LTBP1: variants seen among roughly 807,000 people sequenced by gnomAD.
The protein encoded by LTBP1 is latent-transforming growth factor beta-binding protein 1.
In LTBP1, 129 loss-of-function variants were observed where a neutral mutation model predicts 207.6. The observed-to-expected ratio is 0.62, with a 90% confidence interval of 0.54 to 0.72. The LOEUF is 0.72. Among genes scored for constraint, LTBP1 ranks in the 30% least tolerant of loss-of-function variants. The pLI is 0.00. For missense variants in LTBP1, 2,281 were observed against 2,217.2 expected, an observed-to-expected ratio of 1.03 and a Z score of -0.58; for synonymous variants, 963 against 833.7, an observed-to-expected ratio of 1.16 and a Z score of -2.67.
chr2:33,254,852 G>GTTTTTTTGTT (rs2092795026), intron 11 of LTBP1, among the ~76,000 whole-genome samples: 1 of 10,366 alleles, frequency 9.6e-5, no homozygotes, highest in Non-Finnish European at 1.5e-4. Flanking sequence ...GCGGTGTTTG[G>GTTTTTTTGTT]TTTTTTTTTT....
chr2:33,291,916 T>C (rs914493385), intron 19 of LTBP1: 6 of 152,248 alleles, frequency 3.9e-5, no homozygotes, highest in Admixed American at 6.5e-5. Flanking sequence ...GTAGTGAGCA[T>C]TGAAAAGTGA....
chr2:33,198,788 T>C (rs1409505224), intron 7 of LTBP1, among the ~76,000 whole-genome samples: 1 of 152,184 alleles, frequency 6.6e-6, no homozygotes, highest in East Asian at 1.9e-4. Context: ...TTCTCCTCTC[T>C]TTTCTTCTTT....
intron 2 of LTBP1, among the ~76,000 whole-genome samples, chr2:32,959,822 C>G (rs1678805518): frequency 6.6e-6 from 1 of 150,964 alleles, no homozygotes; most frequent in Non-Finnish European, 1.5e-5. Flanking sequence ...GGTTTCACCA[C>G]TTTGGCCAGG....
Position 33,110,625 on chromosome 2 carries a change from C to T in LTBP1, c.907C>T (p.Gln303Ter). ...SSQSVVIHHG[Q>*]TQEYVLKPKY... ...CCAGAGTGTGGTGATTCACCATGGC[C>T]AGACCCAGGAATACGTGCTCAAGCC... Residue 303 changes from glutamine (Q) to a stop codon, truncating the protein, a stop_gained, in exon 4 of 34, where the codon CAG becomes TAG. Transcript: ENST00000404816. LOFTEE classifies it high-confidence loss of function. The T allele has an allele frequency of 6.2e-7, 1 of 1,614,166 alleles. No homozygotes were observed. Among genetic ancestry groups the T allele is most frequent in the Non-Finnish European group, 8.5e-7 (1 of 1,180,008 alleles).
chr2:33,021,602 T>G (rs2075171076), intron 3 of LTBP1, among the ~76,000 whole-genome samples: 1 of 152,198 alleles, frequency 6.6e-6, no homozygotes, highest in Non-Finnish European at 1.5e-5. Flanking sequence ...TTTAAAGTTA[T>G]CTGGAAAAGG....
At chr2:33,005,216 G>A (rs1408302872) in intron 2 of LTBP1, among the ~76,000 whole-genome samples, 1 of 152,166 alleles carries the variant, frequency 6.6e-6, no homozygotes, top group Non-Finnish European at 1.5e-5. Flanking sequence ...TTATGGTTTT[G>A]CAATTTAAAT....
At chr2:32,966,959 C>G (rs1259572286) in intron 2 of LTBP1, among the ~76,000 whole-genome samples, 1 of 151,952 alleles carries the variant, frequency 6.6e-6, no homozygotes, top group Non-Finnish European at 1.5e-5. Flanking sequence ...TATACTTTCT[C>G]CCTGAAATGT....
At chr2:33,121,276 CT>C (rs961312047) in intron 4 of LTBP1, among the ~76,000 whole-genome samples, 3 of 143,038 alleles carry the variant, frequency 2.1e-5, no homozygotes, top group African/African-American at 7.7e-5. Flanking sequence ...AAGGTTCTAG[CT>C]TTTTTTCTTA....
At chr2:32,986,751 C>T (rs886914910) in intron 2 of LTBP1, among the ~76,000 whole-genome samples, 3 of 152,198 alleles carry the variant, frequency 2.0e-5, no homozygotes, top group African/African-American at 7.2e-5. Context: ...CGTTTGTCTT[C>T]ATTCTCAGAT....
intron 2 of LTBP1, among the ~76,000 whole-genome samples, chr2:32,979,036 A>G (rs1416854676): frequency 1.3e-5 from 2 of 151,424 alleles, no homozygotes; most frequent in African/African-American, 4.8e-5. Context: ...CTGTGTTATC[A>G]ATTGTTATGT....
intron 2 of LTBP1, among the ~76,000 whole-genome samples, chr2:32,998,421 C>G (rs1320291931): frequency 2.1e-5 from 3 of 141,072 alleles, no homozygotes; most frequent in African/African-American, 7.9e-5. Context: ...GAGGCTGAGG[C>G]AGGAGAATCG....
rs1258839942 is a variant in LTBP1 at position 33,397,231 on chromosome 2, TGC to T, written c.4935_4936del (p.Cys1645Ter). ...TGTGAGGGTCCAGGAAGGTTACACC[TGC>T]GATTGCTTTGATGGGTATCACTTGG... ...RCVRVQEGYT[C>X]DCFDGYHLDT... On this transcript the variant is annotated frameshift_variant, in exon 33 of 34. Transcript: ENST00000404816. LOFTEE classifies it high-confidence loss of function. 1 of 1,614,174 alleles carries T rather than the reference TGC, an allele frequency of 6.2e-7. No individual in the cohort carries two copies.
At chr2:33,247,341 A>T (rs1479945731) in intron 10 of LTBP1, among the ~76,000 whole-genome samples, 3 of 152,264 alleles carry the variant, frequency 2.0e-5, no homozygotes, top group African/African-American at 7.2e-5. Flanking sequence ...AACTAAAGCT[A>T]GGAAAGTTTA....
At chr2:33,082,270 C>A (rs1391822113) in intron 3 of LTBP1, among the ~76,000 whole-genome samples, 5 of 152,052 alleles carry the variant, frequency 3.3e-5, no homozygotes, top group Non-Finnish European at 7.4e-5. Flanking sequence ...GCCCCTTGAT[C>A]TTGGACTTCT....
intron 3 of LTBP1, among the ~76,000 whole-genome samples, chr2:33,082,772 G>A (rs1572550471): frequency 6.6e-6 from 1 of 152,104 alleles, no homozygotes; most frequent in Non-Finnish European, 1.5e-5. Flanking sequence ...GCTCATTTCT[G>A]ACCATGCTGT....
At chr2:33,229,618 G>A (rs182560608) in intron 9 of LTBP1, among the ~76,000 whole-genome samples, 138 of 152,344 alleles carry the variant, frequency 9.1e-4, no homozygotes, top group African/African-American at 3.2e-3. Context: ...GTGCAAATTT[G>A]CAAGTAATCA....
Position 33,186,948 on chromosome 2 carries a change from A to G in LTBP1, c.1294A>G (p.Ile432Val). ...AAATTTCACAGGAAAACTTTGTCAG[A>G]TCCCAGTCCATGGTGCCAGCGTGCC... ...PPNFTGKLCQIPVHGASVPKL... is the reference protein window; with the variant it reads ...PPNFTGKLCQVPVHGASVPKL... Residue 432 changes from isoleucine to valine, a missense_variant, in exon 6 of 34, where the codon ATC becomes GTC. Ile to Val is a conservative substitution (Grantham distance 29). This residue lies in a region of LTBP1 where 1,671 missense variants were observed against 1,634.8 expected (regional missense o/e 1.02). Transcript: ENST00000404816. The G allele has an allele frequency of 6.8e-6, 11 of 1,614,184 alleles. No individual in the cohort carries two copies. The highest frequency in any genetic ancestry group is 9.3e-6 in the Non-Finnish European group (11 of 1,180,032).
chr2:33,364,460 G>T, intron 30 of LTBP1, 104 bp downstream of exon 30: 2 of 1,185,928 alleles, frequency 1.7e-6, no homozygotes, highest in African/African-American at 3.1e-5. Context: ...GATTCCTTGG[G>T]TATTTTGAAA....
At chr2:33,114,574 C>T (rs1182173621) in intron 4 of LTBP1, among the ~76,000 whole-genome samples, 2 of 152,132 alleles carry the variant, frequency 1.3e-5, no homozygotes. Context: ...AACCCACCCT[C>T]CAGAGCATGA....
Sources: gnomAD v4.1 joint callset for allele counts (sites outside exome capture counted in the v4.1 genomes callset) on GRCh38, gnomAD v4.1.1 for gene constraint, gnomAD v4.1.1 regional missense constraint, MANE v1.5 for transcripts, NCBI Gene and HGNC (gene_info 2026-07-23, HGNC 2026-07-21) for gene names.